The following CSMD1 variants were observed in gnomAD, a reference collection of about 807,000 sequenced individuals.
The protein encoded by CSMD1 is CUB and Sushi multiple domains 1, also known as CUB and sushi domain-containing protein 1.
CSMD1 carries 213 observed loss-of-function variants against 417.5 expected under a neutral mutation model. The ratio of observed to expected loss-of-function variants is 0.51; its 90% CI spans 0.46 to 0.57. The LOEUF (loss-of-function observed/expected upper bound fraction) is 0.57, where lower values mean the gene tolerates loss of function less well. Among genes scored for constraint, CSMD1 ranks in the 20% least tolerant of loss-of-function variants. The pLI is 0.00. For missense variants in CSMD1, 6,923 were observed against 4,529.7 expected (o/e 1.53, Z -15.17); for synonymous variants, 2,862 against 1,736.8 (o/e 1.65, Z -16.11).
At chr8:3,969,999 G>C (rs984084735) in intron 5 of CSMD1, among the ~76,000 whole-genome samples, 4 of 152,156 alleles carry the variant, frequency 2.6e-5, no homozygotes, top group African/African-American at 9.7e-5. Context: ...ATTTGATTCA[G>C]TAATTTGGCA....
chr8:4,604,410 T>TGTGTGTGTGTGTGTGTGTGCGCGC (rs59349269), intron 2 of CSMD1, among the ~76,000 whole-genome samples: 1 of 146,152 alleles, frequency 6.8e-6, no homozygotes, highest in African/African-American at 2.5e-5. Flanking sequence ...TGTGTGTGTG[T>TGTGTGTGTGTGTGTGTGTGCGCGC]GCGCGTGCGT....
intron 1 of CSMD1, among the ~76,000 whole-genome samples, chr8:4,968,473 C>T (rs1585428019): frequency 6.6e-6 from 1 of 152,198 alleles, no homozygotes; most frequent in East Asian, 1.9e-4. Flanking sequence ...ACCTCTACTG[C>T]ATAGATTAAG....
chr8:3,312,909 T>C (rs140961770), intron 23 of CSMD1, among the ~76,000 whole-genome samples: 52 of 152,318 alleles, frequency 3.4e-4, no homozygotes, highest in African/African-American at 1.1e-3. Flanking sequence ...TCTCTGCAAA[T>C]TGCATGAAGT....
intron 3 of CSMD1, among the ~76,000 whole-genome samples, chr8:4,310,846 G>C (rs183142150): frequency 1.1e-4 from 17 of 152,252 alleles, no homozygotes; most frequent in African/African-American, 3.6e-4. Flanking sequence ...TATCTCAAAA[G>C]AAATGCCTTC....
chr8:4,272,094 A>T (rs534458445), intron 3 of CSMD1, among the ~76,000 whole-genome samples: 1 of 152,238 alleles, frequency 6.6e-6, no homozygotes, highest in Non-Finnish European at 1.5e-5. Flanking sequence ...TATCAACTGT[A>T]CACCCACACC....
At chr8:4,119,281 G>T (rs1315557094) in intron 3 of CSMD1, among the ~76,000 whole-genome samples, 1 of 152,028 alleles carries the variant, frequency 6.6e-6, no homozygotes, top group Admixed American at 6.6e-5. Context: ...GAAACAAATG[G>T]AAACAACCCA....
intron 6 of CSMD1, among the ~76,000 whole-genome samples, chr8:3,721,867 C>A (rs1002700216): frequency 6.6e-6 from 1 of 152,036 alleles, no homozygotes; most frequent in African/African-American, 2.4e-5. Flanking sequence ...AAGAAAATAG[C>A]AGAGAATGAA....
chr8:4,630,718 G>A (rs955454016), intron 2 of CSMD1, among the ~76,000 whole-genome samples: 6 of 152,126 alleles, frequency 3.9e-5, no homozygotes, highest in East Asian at 1.9e-4. Context: ...CACCTCTGGT[G>A]CCCTCACTAA....
chr8:2,954,223 C>T lies in CSMD1; in HGVS notation c.10039+1G>A. 1 of 1,494,208 alleles carries T rather than the reference C, an allele frequency of 6.7e-7. No homozygotes were observed. Among genetic ancestry groups the T allele is most frequent in the Non-Finnish European group, 9.1e-7 (1 of 1,100,512 alleles). 92.6% of individuals were successfully genotyped at this position (1,494,208 alleles called of 1,614,324 possible). Reference sequence around the variant, plus strand: ...ATCTAGAACTGTTCTGGTATACAAACCTGGAGTTTTAGTAACTGTTTCATT... The same window carrying T: ...ATCTAGAACTGTTCTGGTATACAAATCTGGAGTTTTAGTAACTGTTTCATT... On this transcript the variant is annotated splice_donor_variant, in intron 65 of 69. Transcript: ENST00000635120. LOFTEE classifies it high-confidence loss of function.
chr8:3,244,849 G>A (rs1323959280), intron 26 of CSMD1, among the ~76,000 whole-genome samples: 1 of 152,166 alleles, frequency 6.6e-6, no homozygotes, highest in Non-Finnish European at 1.5e-5. Context: ...ACACTGCTTG[G>A]CAGCAAGCAG....
At chr8:3,219,749 T>C (rs1228615343) in intron 28 of CSMD1, among the ~76,000 whole-genome samples, 2 of 152,152 alleles carry the variant, frequency 1.3e-5, no homozygotes, top group Non-Finnish European at 2.9e-5. Context: ...GTGTACTCAT[T>C]AATTTGCTAA....
intron 37 of CSMD1, among the ~76,000 whole-genome samples, chr8:3,171,276 T>C (rs2129043932): frequency 6.6e-6 from 1 of 152,330 alleles, no homozygotes; most frequent in South Asian, 2.1e-4. Context: ...CATTTTTACT[T>C]ATTCAACAGG....
At chr8:3,103,533 C>G (rs149712494) in intron 46 of CSMD1, among the ~76,000 whole-genome samples, 1 of 151,952 alleles carries the variant, frequency 6.6e-6, no homozygotes, top group Admixed American at 6.5e-5. Context: ...TGCGTGGCCC[C>G]GTAGTACTGC....
chr8:4,170,376 T>C (rs2680612), intron 3 of CSMD1, among the ~76,000 whole-genome samples: 40,911 of 151,764 alleles, frequency 0.27, 6,798 homozygotes, highest in African/African-American at 0.44. Flanking sequence ...TTATGAAAAA[T>C]TGAATTCAAG....
At chr8:3,113,639 G>A (rs913653900) in intron 42 of CSMD1, among the ~76,000 whole-genome samples, 2 of 152,120 alleles carry the variant, frequency 1.3e-5, no homozygotes, top group African/African-American at 4.8e-5. Flanking sequence ...CAAATACCAC[G>A]GAGGCTTCCC....
chr8:3,034,596 T>C (rs976171169), intron 50 of CSMD1, among the ~76,000 whole-genome samples: 1 of 152,168 alleles, frequency 6.6e-6, no homozygotes, highest in African/African-American at 2.4e-5. Context: ...TTTTAATATA[T>C]ACCTACTACA....
At chr8:4,081,570 T>A (rs983610313) in intron 3 of CSMD1, among the ~76,000 whole-genome samples, 1 of 152,144 alleles carries the variant, frequency 6.6e-6, no homozygotes, top group Non-Finnish European at 1.5e-5. Context: ...TTGACCTAGT[T>A]GACCCAGAAC....
chr8:4,957,369 T>A (rs1585406119), intron 1 of CSMD1, among the ~76,000 whole-genome samples: 1 of 152,082 alleles, frequency 6.6e-6, no homozygotes, highest in South Asian at 2.1e-4. Context: ...TTGTGAAAAA[T>A]TATGTTCAAA....
intron 2 of CSMD1, among the ~76,000 whole-genome samples, chr8:4,421,084 C>A (rs574088807): frequency 6.6e-6 from 1 of 152,122 alleles, no homozygotes; most frequent in Non-Finnish European, 1.5e-5. Context: ...GGATGCCAAT[C>A]CAAACAACTT....
Sources: allele counts gnomAD v4.1 joint callset (sites outside exome capture counted in the v4.1 genomes callset), GRCh38; gene constraint gnomAD v4.1.1; transcripts MANE v1.5; gene names NCBI Gene and HGNC (gene_info 2026-07-23, HGNC 2026-07-21).